The following CTNNBL1 variants were observed in gnomAD, a reference collection of about 807,000 sequenced individuals.
The protein encoded by CTNNBL1 is beta-catenin-like protein 1.
CTNNBL1 carries 31 observed loss-of-function variants against 72.7 expected under a neutral mutation model. The observed-to-expected ratio is 0.43, with a 90% confidence interval of 0.32 to 0.58. CTNNBL1 has a LOEUF of 0.58. CTNNBL1 is among the 20% of genes least tolerant of loss of function. CTNNBL1 has a pLI of 0.08. For missense variants in CTNNBL1, 534 were observed against 725.1 expected, an observed-to-expected ratio of 0.74 and a Z score of 3.03; for synonymous variants, 240 against 267.3, an observed-to-expected ratio of 0.90 and a Z score of 1.00.
chr20:37,776,536 G>T (rs1017632859), intron 7 of CTNNBL1, among the ~76,000 whole-genome samples: 2 of 152,120 alleles, frequency 1.3e-5, no homozygotes, highest in African/African-American at 4.8e-5. Context: ...TAAGGATCAT[G>T]GGCACCATAA....
chr20:37,865,802 A>T (rs186197521), intron 15 of CTNNBL1, among the ~76,000 whole-genome samples: 1 of 152,272 alleles, frequency 6.6e-6, no homozygotes. Flanking sequence ...TGGTTTGCAG[A>T]GAAAATCTTA....
intron 13 of CTNNBL1, among the ~76,000 whole-genome samples, chr20:37,845,679 A>G (rs1475879037): frequency 6.6e-6 from 1 of 152,156 alleles, no homozygotes; most frequent in Non-Finnish European, 1.5e-5. Flanking sequence ...CCTCTGCCTC[A>G]TGCCGTCTTC....
At chr20:37,740,255 T>G (rs1451869099) in intron 3 of CTNNBL1, among the ~76,000 whole-genome samples, 1 of 152,210 alleles carries the variant, frequency 6.6e-6, no homozygotes, top group Non-Finnish European at 1.5e-5. Context: ...CTTGAGTTCT[T>G]GAATTCTCAC....
intron 15 of CTNNBL1, among the ~76,000 whole-genome samples, chr20:37,867,728 T>G (rs1364722248): frequency 1.3e-5 from 2 of 151,932 alleles, no homozygotes; most frequent in East Asian, 3.9e-4. Flanking sequence ...CACACACACA[T>G]GCAGCAGAGA....
At chr20:37,709,874 C>A (rs1032141865) in intron 1 of CTNNBL1, among the ~76,000 whole-genome samples, 1 of 152,164 alleles carries the variant, frequency 6.6e-6, no homozygotes. Context: ...AAATGTGATG[C>A]CCTTCAGAAA....
intron 10 of CTNNBL1, among the ~76,000 whole-genome samples, chr20:37,798,907 A>C (rs1016844051): frequency 1.1e-4 from 16 of 152,218 alleles, no homozygotes; most frequent in African/African-American, 2.4e-5. Flanking sequence ...AATTTTGCTC[A>C]CATGGTTATC....
chr20:37,729,850 G>A (rs962952795), intron 1 of CTNNBL1, among the ~76,000 whole-genome samples: 2 of 152,132 alleles, frequency 1.3e-5, no homozygotes, highest in Non-Finnish European at 2.9e-5. Context: ...GTGGTTACTG[G>A]CATGTTGCTT....
At chr20:37,863,510 C>T (rs1174639380) in intron 15 of CTNNBL1, among the ~76,000 whole-genome samples, 2 of 152,202 alleles carry the variant, frequency 1.3e-5, no homozygotes, top group African/African-American at 4.8e-5. Flanking sequence ...TTCTCCTCCT[C>T]AGGACTAGGA....
At chr20:37,821,940 C>G (rs144509035) in intron 11 of CTNNBL1, among the ~76,000 whole-genome samples, 2 of 152,218 alleles carry the variant, frequency 1.3e-5, no homozygotes, top group East Asian at 3.9e-4. Flanking sequence ...ACCCCTCCCC[C>G]TGCACAACCC....
At chr20:37,841,893 T>TA (rs1057353438) in intron 12 of CTNNBL1, among the ~76,000 whole-genome samples, 4 of 152,164 alleles carry the variant, frequency 2.6e-5, no homozygotes, top group Non-Finnish European at 5.9e-5. Flanking sequence ...CAGGCATTTT[T>TA]AAAAAAAGAT....
intron 1 of CTNNBL1, among the ~76,000 whole-genome samples, chr20:37,701,919 G>A (rs971756940): frequency 7.0e-6 from 1 of 143,138 alleles, no homozygotes; most frequent in Non-Finnish European, 1.5e-5. Context: ...GATGTGTGGC[G>A]TAATACATTG....
At chr20:37,806,230 C>T (rs2071959010) in intron 11 of CTNNBL1, among the ~76,000 whole-genome samples, 1 of 152,178 alleles carries the variant, frequency 6.6e-6, no homozygotes, top group African/African-American at 2.4e-5. Flanking sequence ...GTGACAAGCA[C>T]CTAGGGGTAG....
At chr20:37,833,537 T>A (rs758958921) in intron 11 of CTNNBL1, among the ~76,000 whole-genome samples, 4 of 152,206 alleles carry the variant, frequency 2.6e-5, no homozygotes, top group Non-Finnish European at 4.4e-5. Context: ...TAGATTTGCC[T>A]GGCCTTCCCC....
chr20:37,794,875 G>T (rs889232665), intron 10 of CTNNBL1, among the ~76,000 whole-genome samples: 1 of 151,810 alleles, frequency 6.6e-6, no homozygotes, highest in Non-Finnish European at 1.5e-5. Context: ...GAGTTTTTTT[G>T]TTTTTTTCCT....
intron 11 of CTNNBL1, among the ~76,000 whole-genome samples, chr20:37,827,155 A>G (rs528594337): frequency 5.3e-5 from 8 of 152,328 alleles, no homozygotes; most frequent in African/African-American, 1.9e-4. Context: ...GATTCACCAT[A>G]GGTTGTTACA....
At chr20:37,833,505 T>G (rs950948412) in intron 11 of CTNNBL1, among the ~76,000 whole-genome samples, 6 of 152,194 alleles carry the variant, frequency 3.9e-5, no homozygotes, top group Non-Finnish European at 7.3e-5. Context: ...TACCTACCTC[T>G]CTGCCTAGTG....
rs77444395 is a variant in CTNNBL1, at chr20:37,853,030, A to C, written c.1393-6869A>C. ...AGAGGAGTTCCAGTATCTAATTTGA[A>C]TGCTTCCTGCACTCACACAAGGTCT... On this transcript the variant is annotated intron_variant, in intron 13 of 15. Transcript: ENST00000361383. 7.7e-3 allele frequency among the ~76,000 whole-genome samples: 1,165 copies of C among 152,250 alleles called. 16 individuals carry two copies. The highest frequency in any genetic ancestry group is 0.027 in the African/African-American group (1,106 of 41,530).
intron 15 of CTNNBL1, among the ~76,000 whole-genome samples, chr20:37,869,252 C>G (rs556122927): frequency 3.3e-4 from 50 of 152,312 alleles, no homozygotes; most frequent in Non-Finnish European, 2.9e-5. Flanking sequence ...GTAGCAGGAG[C>G]AAAATTACTT....
At chr20:37,702,563 T>C (rs1349857738) in intron 1 of CTNNBL1, among the ~76,000 whole-genome samples, 1 of 152,230 alleles carries the variant, frequency 6.6e-6, no homozygotes, top group East Asian at 1.9e-4. Flanking sequence ...TTACTTTTTG[T>C]TGGAAGTGTG....
Sources: allele counts gnomAD v4.1 joint callset (sites outside exome capture counted in the v4.1 genomes callset), GRCh38; gene constraint gnomAD v4.1.1; transcripts MANE v1.5; gene names NCBI Gene and HGNC (gene_info 2026-07-23, HGNC 2026-07-21).